PCDHA5: variants seen among roughly 807,000 people sequenced by gnomAD.
PCDHA5 encodes the protein protocadherin alpha-5.
A neutral mutation model predicts 61.6 loss-of-function variants in PCDHA5; 43 were observed. That is an observed-to-expected ratio of 0.70 (90% CI 0.55 to 0.90). The LOEUF is 0.90. Among genes scored for constraint, PCDHA5 ranks in the 40% least tolerant of loss-of-function variants. The pLI is 0.00. For synonymous variants in PCDHA5, 627 were observed against 543.9 expected (o/e 1.15, Z -2.13); for missense variants, 1,298 against 1,222.7 (o/e 1.06, Z -0.92).
chr5:140,926,828 C>T (rs2083578925), intron 1 of PCDHA5: 1 of 1,501,376 alleles, frequency 6.7e-7, no homozygotes, highest in African/African-American at 1.4e-5. Flanking sequence ...TCCAGGAGTC[C>T]GGAGCATGGT....
In PCDHA5 at chr5:140,829,866, C is replaced by G. The variant is rs180987045; in HGVS notation, c.2352+5739C>G. On this transcript the variant is annotated intron_variant, in intron 1 of 3. Transcript: ENST00000529859. ...TCACTGGGTGCAGGCCAAGTGGTGG[C>G]GAAGGTGCGCGCAGTTGACGCCGAC... 3.8e-5 allele frequency: 61 copies of G among 1,613,892 alleles called. No individual in the cohort carries two copies. The highest frequency in any genetic ancestry group is 4.4e-5 in the Non-Finnish European group (52 of 1,179,870).
At chr5:140,909,747 G>T (rs1554193902) in intron 1 of PCDHA5, among the ~76,000 whole-genome samples, 1 of 152,146 alleles carries the variant, frequency 6.6e-6, no homozygotes, top group East Asian at 1.9e-4. Context: ...CTGGGGAAAT[G>T]ACCACAGGAT....
At chr5:140,909,709 A>G (rs2153511702) in intron 1 of PCDHA5, among the ~76,000 whole-genome samples, 1 of 152,294 alleles carries the variant, frequency 6.6e-6, no homozygotes, top group Non-Finnish European at 1.5e-5. Context: ...GCTGCTAAGT[A>G]TACCTATGCC....
rs782379229 is a variant in PCDHA5, at chr5:140,927,578, A to G, written c.2353-51371A>G. ...ATCATTGTGGTGGACACAAATGACAACGCGCCTGTATTTGAGCGCTCCGTA... is the reference window on the plus strand; with the variant it reads ...ATCATTGTGGTGGACACAAATGACAGCGCGCCTGTATTTGAGCGCTCCGTA... On this transcript the variant is annotated intron_variant, in intron 1 of 3. Transcript: ENST00000529859. 1.5e-5 allele frequency: 24 copies of G among 1,614,024 alleles called. No homozygotes were observed. The highest frequency in any genetic ancestry group is 2.0e-5 in the Non-Finnish European group (24 of 1,180,026).
At chr5:140,990,367 A>G (rs1162635749) in intron 3 of PCDHA5, among the ~76,000 whole-genome samples, 1 of 152,104 alleles carries the variant, frequency 6.6e-6, no homozygotes, top group Non-Finnish European at 1.5e-5. Context: ...AATCTAATAA[A>G]GCAAATTTGT....
At chr5:140,903,500 G>A (rs553764100) in intron 1 of PCDHA5, among the ~76,000 whole-genome samples, 1 of 152,184 alleles carries the variant, frequency 6.6e-6, no homozygotes, top group African/African-American at 2.4e-5. Flanking sequence ...AGGTACCATA[G>A]ATAATAGTTC....
chr5:140,980,856 G>GT (rs2096908809), intron 2 of PCDHA5, among the ~76,000 whole-genome samples: 1 of 151,886 alleles, frequency 6.6e-6, no homozygotes, highest in Admixed American at 6.6e-5. Context: ...AATCTTTTTC[G>GT]TATGTGTGCT....
At position 140,823,670 on chromosome 5, in the gene PCDHA5, C is replaced by A; in HGVS notation, c.1895C>A (p.Thr632Lys). The A allele has an allele frequency of 6.2e-7, 1 of 1,614,038 alleles. No homozygotes were observed. The highest frequency in any genetic ancestry group is 1.1e-5 in the South Asian group (1 of 91,084). Reference sequence around the variant, plus strand: ...GGGCTGTACACAGGCGAGATCAGCACAACACGCTCTCTGGATGAGACCGAA... The same window carrying A: ...GGGCTGTACACAGGCGAGATCAGCAAAACACGCTCTCTGGATGAGACCGAA... The part of the protein sequence containing the change: ...RVGLYTGEIS[T>K]TRSLDETEAP... Residue 632 changes from threonine to lysine, a missense_variant, in exon 1 of 4, where the codon ACA (threonine) becomes AAA (lysine). Physicochemically the swap from Thr to Lys is moderately conservative, Grantham distance 78. Coordinates refer to ENST00000529859, the MANE Select transcript of PCDHA5 (RefSeq NM_018908.3).
Position 140,876,248 on chromosome 5 carries a change from CAA to C in PCDHA5, c.2352+52122_2352+52123del, listed in dbSNP as rs782415667. On this transcript the variant is annotated intron_variant, in intron 1 of 3. Transcript: ENST00000529859. ...TTGTCTGAAAATGTCCAAAACGACA[CAA>C]GAGTGATCCAACTAAATGCTTCCGA... 1.9e-6 allele frequency: 3 copies of C among 1,613,868 alleles called. No homozygotes were observed. In the East Asian group the frequency reaches 6.7e-5, roughly 36 times the overall value.
intron 1 of PCDHA5, chr5:140,870,539 G>C (rs367673976): frequency 1.2e-5 from 20 of 1,614,040 alleles, no homozygotes; most frequent in Admixed American, 1.7e-5. Context: ...GTGTCGGCGC[G>C]GGACGCGGAC....
At chr5:140,906,278 C>A (rs546102354) in intron 1 of PCDHA5, among the ~76,000 whole-genome samples, 1 of 152,152 alleles carries the variant, frequency 6.6e-6, no homozygotes, top group Admixed American at 6.6e-5. Flanking sequence ...AGATAATCTT[C>A]AAATTAAGAC....
intron 1 of PCDHA5, among the ~76,000 whole-genome samples, chr5:140,902,501 A>G (rs1264806549): frequency 1.3e-5 from 2 of 152,020 alleles, no homozygotes; most frequent in Admixed American, 6.6e-5. Context: ...ACTAGCTGTG[A>G]GTCTGTCATA....
intron 1 of PCDHA5, among the ~76,000 whole-genome samples, chr5:140,920,816 C>A (rs1170521844): frequency 6.6e-6 from 1 of 150,790 alleles, no homozygotes; most frequent in East Asian, 1.9e-4. Flanking sequence ...TGCACTCCAG[C>A]CTGGCGACGG....
chr5:140,900,437 C>T (rs1284375985), intron 1 of PCDHA5, among the ~76,000 whole-genome samples: 4 of 152,148 alleles, frequency 2.6e-5, no homozygotes, highest in African/African-American at 9.7e-5. Flanking sequence ...GCCACCACGG[C>T]CGGCTAATTT....
At chr5:140,838,747 G>A (rs1055072551) in intron 1 of PCDHA5, among the ~76,000 whole-genome samples, 2 of 151,894 alleles carry the variant, frequency 1.3e-5, no homozygotes, top group South Asian at 2.1e-4. Flanking sequence ...ACCAGCTTGT[G>A]CATCTTTTGT....
intron 1 of PCDHA5, chr5:140,870,868 G>C (rs550915753): frequency 1.2e-6 from 2 of 1,613,944 alleles, no homozygotes; most frequent in Non-Finnish European, 1.7e-6. Context: ...TGCGGGCCAC[G>C]TGGTGGCGAA....
intron 3 of PCDHA5, among the ~76,000 whole-genome samples, chr5:141,000,180 T>G (rs2153962126): frequency 6.6e-6 from 1 of 151,688 alleles, no homozygotes; most frequent in South Asian, 2.1e-4. Flanking sequence ...AGCCAAGGAG[T>G]CAATGTGAGA....
chr5:140,892,772 C>G (rs1053940130), intron 1 of PCDHA5, among the ~76,000 whole-genome samples: 1 of 152,144 alleles, frequency 6.6e-6, no homozygotes, highest in African/African-American at 2.4e-5. Context: ...ACTCTTCTAG[C>G]TTCTTGAAAA....
At chr5:140,984,975 T>A (rs571343368) in intron 3 of PCDHA5, among the ~76,000 whole-genome samples, 1 of 152,128 alleles carries the variant, frequency 6.6e-6, no homozygotes, top group Admixed American at 6.5e-5. Flanking sequence ...TCTCGCTCTG[T>A]CCCCCAGGCT....
Sources: allele counts gnomAD v4.1 joint callset (sites outside exome capture counted in the v4.1 genomes callset), GRCh38; gene constraint gnomAD v4.1.1; transcripts MANE v1.5; gene names NCBI Gene and HGNC (gene_info 2026-07-23, HGNC 2026-07-21).